The following UBN1 variants were observed in gnomAD, a reference collection of about 807,000 sequenced individuals.
UBN1 encodes the protein ubinuclein-1.
A neutral mutation model predicts 108.5 loss-of-function variants in UBN1; 17 were observed. That is an observed-to-expected ratio of 0.16 (90% CI 0.11 to 0.24). The LOEUF is 0.24. Ranked by LOEUF, UBN1 falls within the 10% of genes least tolerant of loss-of-function variation. The pLI is 1.00. For missense variants in UBN1, 1,595 were observed against 1,394.4 expected, an observed-to-expected ratio of 1.14 and a Z score of -2.29; for synonymous variants, 726 against 564.2, an observed-to-expected ratio of 1.29 and a Z score of -4.07.
intron 8 of UBN1, among the ~76,000 whole-genome samples, chr16:4,869,501 T>A (rs1429392865): frequency 6.6e-6 from 1 of 152,234 alleles, no homozygotes; most frequent in African/African-American, 2.4e-5. Context: ...GCCGCTTTTC[T>A]CCTGGTTGCA....
intron 15 of UBN1, among the ~76,000 whole-genome samples, chr16:4,876,249 C>T (rs1342026113): frequency 1.3e-5 from 2 of 152,150 alleles, no homozygotes; most frequent in Admixed American, 6.5e-5. Context: ...TGAGCCACTG[C>T]ACCCGGCCTC....
chr16:4,873,845 T>C (rs967830367), intron 14 of UBN1, among the ~76,000 whole-genome samples: 4 of 152,262 alleles, frequency 2.6e-5, no homozygotes. Flanking sequence ...TGCCATGCCT[T>C]GGTCTGATTG....
At position 4,875,153 on chromosome 16, in the gene UBN1, T is replaced by C; in HGVS notation, c.2743T>C (p.Ser915Pro). 1 of 1,614,238 alleles carries C rather than the reference T, an allele frequency of 6.2e-7. No homozygotes were observed. Among genetic ancestry groups the C allele is most frequent in the Non-Finnish European group, 8.5e-7 (1 of 1,180,040 alleles). Residue 915 changes from serine to proline, a missense_variant, in exon 15 of 18, where the codon TCT (serine) becomes CCT (proline). This residue lies in a region of UBN1 where 1,398 missense variants were observed against 1,194.7 expected (regional missense o/e 1.17). Coordinates refer to ENST00000262376, the MANE Select transcript of UBN1 (RefSeq NM_001079514.3). ...ASSISKHGVS[S>P]GSSSSGGTPV... is the part of the protein sequence containing the mutation. ...CTCAATCTCCAAACATGGGGTTTCT[T>C]CTGGCAGCTCTTCCTCGGGAGGAAC... is the stretch of plus-strand genomic sequence containing the variant.
In UBN1 at chr16:4,870,302, C is replaced by G; in HGVS notation, c.1272C>G (p.Ala424=). The change falls in exon 9 of 18, where the codon GCC becomes GCG. Residue 424 remains alanine, a synonymous_variant. Transcript: ENST00000262376. The part of the protein sequence containing the change: ...LASFLPCSKD[A]LLKRARKLHL... ...CATTCCTGCCCTGCAGCAAGGATGC[C>G]CTGCTCAAGCGTGCTCGGAAACTTC... 6.2e-7 allele frequency: 1 copy of G among 1,614,152 alleles called. No homozygotes were observed. The highest frequency in any genetic ancestry group is 8.5e-7 in the Non-Finnish European group (1 of 1,180,028).
rs1189139807 is a variant in UBN1 at position 4,873,062 on chromosome 16, ATCAAGG to A, written c.1791_1796del (p.Ile597_Val599delinsMet). ...GAAGAAAGTTATGGCCCCTTCTAAA[ATCAAGG>A]TGAAGGTGAGTCAGTTTGCTCGGGT... On this transcript the variant is annotated inframe_deletion, in exon 14 of 18. Coordinates refer to ENST00000262376, the MANE Select transcript of UBN1 (RefSeq NM_001079514.3). 14 of 1,614,112 alleles carry A rather than the reference ATCAAGG, an allele frequency of 8.7e-6. 1 individual carries two copies. The Admixed American group carries it at 1.8e-4, about 21-fold the overall frequency.
intron 1 of UBN1, among the ~76,000 whole-genome samples, chr16:4,849,003 A>G (rs1047753401): frequency 6.6e-6 from 1 of 152,216 alleles, no homozygotes; most frequent in Non-Finnish European, 1.5e-5. Context: ...TGGGAGGCTG[A>G]GGCAGGAGAA....
chr16:4,878,844 C>A (rs1160115118), intron 17 of UBN1, among the ~76,000 whole-genome samples: 1 of 152,102 alleles, frequency 6.6e-6, no homozygotes, highest in African/African-American at 2.4e-5. Context: ...GACCCTATCT[C>A]TACATTTAAA....
chr16:4,864,098 T>G (rs1232570595), intron 7 of UBN1, among the ~76,000 whole-genome samples: 22 of 126,798 alleles, frequency 1.7e-4, no homozygotes, highest in Non-Finnish European at 3.2e-4. Context: ...TTTTTTTTTT[T>G]GAGACAGAGT....
At chr16:4,861,193 CTCTTAG>C (rs1306194088) in intron 7 of UBN1, 91 bp downstream of exon 7, 1 of 1,401,966 alleles carries the variant, frequency 7.1e-7, no homozygotes, top group East Asian at 2.5e-5. Flanking sequence ...CCCAGAGAAA[CTCTTAG>C]TGAGTTGGCA....
At chr16:4,876,568 C>T (rs2087896459) in intron 15 of UBN1, among the ~76,000 whole-genome samples, 1 of 151,468 alleles carries the variant, frequency 6.6e-6, no homozygotes, top group Admixed American at 6.6e-5. Flanking sequence ...GGCTCTGTCA[C>T]CTAGGCTGGA....
intron 12 of UBN1, 90 bp from the exon 13 acceptor site, chr16:4,872,794 A>G (rs1192805588): frequency 6.9e-7 from 1 of 1,450,010 alleles, no homozygotes; most frequent in East Asian, 2.3e-5. Context: ...AGGGATAGCT[A>G]CTGAGGACCA....
intron 1 of UBN1, chr16:4,852,114 A>G (rs1451862954): frequency 6.6e-6 from 1 of 152,248 alleles, no homozygotes; most frequent in Non-Finnish European, 1.5e-5. Flanking sequence ...TTGGTATGGT[A>G]GAAAGTTCAC....
At position 4,877,675 on chromosome 16, in the gene UBN1, G is replaced by T; in HGVS notation, c.3355+201G>T. On this transcript the variant is annotated intron_variant, in intron 17 of 17. Transcript: ENST00000262376. The surrounding 1 kb of genome is among the most constrained non-coding windows in gnomAD (Gnocchi z 4.3). ...TGGGGTTTCCTCTGGTCCCCACTTGGAGCTGCCGCCAGGTCAGCCTCAGCC... is the reference window on the plus strand; with the variant it reads ...TGGGGTTTCCTCTGGTCCCCACTTGTAGCTGCCGCCAGGTCAGCCTCAGCC... 7.8e-7 allele frequency: 1 copy of T among 1,278,974 alleles called. No homozygotes were observed. The highest frequency in any genetic ancestry group is 9.9e-7 in the Non-Finnish European group (1 of 1,013,702). 79.2% of individuals were successfully genotyped at this position (1,278,974 alleles called of 1,614,324 possible).
At position 4,880,959 on chromosome 16, in the gene UBN1, GAT is replaced by G. The variant is rs1273877592; in HGVS notation, c.*830_*831del. On this transcript the variant is annotated 3_prime_UTR_variant, in exon 18 of 18. Coordinates refer to ENST00000262376, the MANE Select transcript of UBN1 (RefSeq NM_001079514.3). Reference sequence around the variant, plus strand: ...GATCTGAGACGAAGACCTTTTTAAAGATATGTCTGTATTGAAGAGAAAGCCAG... The same window carrying G: ...GATCTGAGACGAAGACCTTTTTAAAGATGTCTGTATTGAAGAGAAAGCCAG... 1.3e-5 allele frequency: 2 copies of G among 152,560 alleles called. No homozygotes were observed. Among genetic ancestry groups the G allele is most frequent in the African/African-American group, 2.4e-5 (1 of 41,578 alleles). 9.5% of individuals were successfully genotyped at this position (152,560 alleles called of 1,614,324 possible).
At position 4,860,888 on chromosome 16, in the gene UBN1, A is replaced by C; in HGVS notation, c.896A>C (p.Asn299Thr). Reference protein sequence around the residue: ...LLSLFGSTSDNDLLQAATAMD... With the variant: ...LLSLFGSTSDTDLLQAATAMD... ...TCACTCTTTGGCTCTACTTCTGACA[A>C]CGACTTGCTCCAGGCGGCCACTGCC... The change falls in exon 7 of 18, where the codon AAC becomes ACC. Residue 299 changes from asparagine to threonine, a missense_variant. By Grantham distance (65) the Asn-to-Thr change is moderately conservative. Around this residue, in one of 3 missense-constraint regions of UBN1, gnomAD observed 1,398 missense variants for 1,194.7 expected, o/e 1.17. Transcript: ENST00000262376. 3 of 1,614,236 alleles carry C rather than the reference A, an allele frequency of 1.9e-6. No individual in the cohort carries two copies. The highest frequency in any genetic ancestry group is 2.5e-6 in the Non-Finnish European group (3 of 1,180,034).
chr16:4,859,192 T>G, intron 5 of UBN1, 33 bp downstream of exon 5: 1 of 1,604,704 alleles, frequency 6.2e-7, no homozygotes, highest in Non-Finnish European at 8.5e-7. Flanking sequence ...ATTTCAGAAA[T>G]GCTTTTTGAC....
At position 4,851,436 on chromosome 16, in the gene UBN1, T is replaced by C. The variant is rs547462673; in HGVS notation, c.-39-1443T>C. On this transcript the variant is annotated intron_variant, in intron 1 of 17. Coordinates refer to ENST00000262376, the MANE Select transcript of UBN1 (RefSeq NM_001079514.3). ...CTTTATTCCAGCCTGGGCAACAGAGTGAGACCTTGTCTCAAAAAACAAAAA... is the reference window on the plus strand; with the variant it reads ...CTTTATTCCAGCCTGGGCAACAGAGCGAGACCTTGTCTCAAAAAACAAAAA... 1.5e-3 allele frequency among the ~76,000 whole-genome samples: 227 copies of C among 152,066 alleles called. 1 individual carries two copies. The highest frequency in any genetic ancestry group is 2.7e-3 in the Non-Finnish European group (186 of 67,974).
At chr16:4,856,571 C>A (rs17137335) in intron 2 of UBN1, among the ~76,000 whole-genome samples, 2 of 152,142 alleles carry the variant, frequency 1.3e-5, no homozygotes, top group African/African-American at 4.8e-5. Context: ...AAGTCTGGTA[C>A]GACACAGGCC....
intron 2 of UBN1, among the ~76,000 whole-genome samples, chr16:4,855,494 A>G (rs2086762269): frequency 6.6e-6 from 1 of 151,204 alleles, no homozygotes; most frequent in African/African-American, 2.4e-5. Context: ...TGCATGCCTG[A>G]AGTTCCAGCT....
Sources: allele counts gnomAD v4.1 joint callset (sites outside exome capture counted in the v4.1 genomes callset), GRCh38; gene constraint gnomAD v4.1.1; regional missense constraint gnomAD v4.1.1; non-coding constraint Gnocchi (gnomAD v3.1); transcripts MANE v1.5; gene names NCBI Gene and HGNC (gene_info 2026-07-23, HGNC 2026-07-21).